Variants in CYYR1 observed in about 807,000 individuals in gnomAD.
The protein encoded by CYYR1 is cysteine and tyrosine rich 1.
A neutral mutation model predicts 15.2 loss-of-function variants in CYYR1; 14 were observed. The observed-to-expected ratio is 0.92, with a 90% CI of 0.61 to 1.44. The LOEUF is 1.44. CYYR1 is among the 40% of genes most tolerant of loss of function. The probability of loss-of-function intolerance (pLI) is 0.00; values close to 1 mark genes in which losing one functional copy is unlikely to be tolerated. For synonymous variants in CYYR1, 80 were observed against 77.4 expected (o/e 1.03, Z -0.18); for missense variants, 228 against 209.5 (o/e 1.09, Z -0.54).
At chr21:26,481,294 T>C (rs1014490021) in intron 2 of CYYR1, among the ~76,000 whole-genome samples, 1 of 152,192 alleles carries the variant, frequency 6.6e-6, no homozygotes, top group Non-Finnish European at 1.5e-5. Flanking sequence ...AACAAGGATG[T>C]TCATCACAGT....
chr21:26,563,405 C>T (rs751189372), intron 2 of CYYR1, among the ~76,000 whole-genome samples: 1 of 152,026 alleles, frequency 6.6e-6, no homozygotes, highest in Admixed American at 6.6e-5. Context: ...AAACCACTCT[C>T]TACTAAAAAT....
intron 3 of CYYR1, chr21:26,470,984 C>A (rs1025897329): frequency 5.4e-4 from 82 of 152,182 alleles, no homozygotes; most frequent in African/African-American, 2.0e-3. Flanking sequence ...AATACATCAG[C>A]GAGGATGCAT....
chr21:26,542,682 GT>G (rs1269834927), intron 2 of CYYR1, among the ~76,000 whole-genome samples: 1 of 151,722 alleles, frequency 6.6e-6, no homozygotes, highest in East Asian at 1.9e-4. Context: ...TCAGAAAGAA[GT>G]AAAACTCTAT....
intron 3 of CYYR1, among the ~76,000 whole-genome samples, chr21:26,479,167 G>A (rs2065139985): frequency 6.6e-6 from 1 of 151,856 alleles, no homozygotes; most frequent in Non-Finnish European, 1.5e-5. Context: ...CAATATGGAA[G>A]AAAAGACAAG....
At chr21:26,564,886 T>C (rs539532090) in intron 2 of CYYR1, 45 of 977,606 alleles carry the variant, frequency 4.6e-5, no homozygotes, top group Non-Finnish European at 5.8e-5. Flanking sequence ...TATATTTTGT[T>C]ACTTTAAATA....
intron 2 of CYYR1, among the ~76,000 whole-genome samples, chr21:26,487,552 T>A (rs1215842335): frequency 6.6e-6 from 1 of 152,142 alleles, no homozygotes; most frequent in Non-Finnish European, 1.5e-5. Context: ...TACAATGTTT[T>A]ATTATAAATC....
At chr21:26,476,553 C>T (rs1272595350) in intron 3 of CYYR1, among the ~76,000 whole-genome samples, 1 of 151,424 alleles carries the variant, frequency 6.6e-6, no homozygotes, top group African/African-American at 2.4e-5. Context: ...GAGCCCCATT[C>T]CCCTCTCCAA....
intron 2 of CYYR1, among the ~76,000 whole-genome samples, chr21:26,493,327 G>C (rs2065352867): frequency 6.6e-6 from 1 of 152,202 alleles, no homozygotes. Context: ...GAGTGGATTT[G>C]ATGGGTACCA....
rs914073395 is a variant in CYYR1 at position 26,467,165 on chromosome 21, A to G, written c.*1336T>C. 4 of 152,292 alleles carry G rather than the reference A, an allele frequency of 2.6e-5. No individual in the cohort carries two copies. The highest frequency in any genetic ancestry group is 1.9e-4 in the East Asian group (1 of 5,188). The allele number at this position is 152,292 out of a possible 1,614,324, so 9.4% of individuals were successfully genotyped here. A position where few individuals can be genotyped will look rare whatever the true frequency, so the allele number is the denominator to read the frequency against. Reference sequence around the variant, plus strand: ...TTAGATTTAATTGTAAAATGACACAAAAATCTAATCATCTATTTCCAATGT... The same window carrying G: ...TTAGATTTAATTGTAAAATGACACAGAAATCTAATCATCTATTTCCAATGT... On this transcript the variant is annotated 3_prime_UTR_variant, in exon 4 of 4. Coordinates refer to ENST00000652641, the MANE Select transcript of CYYR1 (RefSeq NM_001320768.2).
chr21:26,518,035 C>T (rs901769546), intron 2 of CYYR1, among the ~76,000 whole-genome samples: 3 of 152,184 alleles, frequency 2.0e-5, no homozygotes. Context: ...TCAGCACTCA[C>T]ACTGATTGAC....
chr21:26,515,397 C>T (rs1601778863), intron 2 of CYYR1, among the ~76,000 whole-genome samples: 2 of 151,808 alleles, frequency 1.3e-5, no homozygotes, highest in South Asian at 2.1e-4. Flanking sequence ...CTCACTTTGT[C>T]GCCCAAGGCT....
At chr21:26,545,774 G>T (rs1978933444) in intron 2 of CYYR1, among the ~76,000 whole-genome samples, 2 of 151,538 alleles carry the variant, frequency 1.3e-5, no homozygotes, top group African/African-American at 2.4e-5. Flanking sequence ...TAGTAGAGAT[G>T]GGGTTTCACC....
intron 3 of CYYR1, chr21:26,478,207 A>G: frequency 2.6e-6 from 4 of 1,528,712 alleles, no homozygotes; most frequent in Non-Finnish European, 3.5e-6. Context: ...TTGGAAGATT[A>G]AAAGCACTCT....
intron 2 of CYYR1, among the ~76,000 whole-genome samples, chr21:26,559,820 C>T (rs1009063752): frequency 7.9e-5 from 12 of 152,108 alleles, no homozygotes; most frequent in African/African-American, 2.7e-4. Context: ...ATCCATTAAC[C>T]AATATCACAC....
intron 2 of CYYR1, among the ~76,000 whole-genome samples, chr21:26,514,956 G>A (rs2065704152): frequency 6.6e-6 from 1 of 152,202 alleles, no homozygotes; most frequent in African/African-American, 2.4e-5. Context: ...AGTGAATAAT[G>A]AAGATAGAAA....
intron 2 of CYYR1, among the ~76,000 whole-genome samples, chr21:26,513,437 G>A (rs979963544): frequency 1.3e-5 from 2 of 152,146 alleles, no homozygotes; most frequent in African/African-American, 4.8e-5. Context: ...TAGTTGCAGG[G>A]TCCAGGGGAA....
rs137906629 is a variant in CYYR1 at position 26,529,636 on chromosome 21, A to T, written c.176+36630T>A. Among the ~76,000 whole-genome samples, 26 of 152,330 alleles carry T rather than the reference A, an allele frequency of 1.7e-4. 1 individual carries two copies. The East Asian group carries it at 4.2e-3, about 25-fold the overall frequency. ...TGAACCAGTAGCATAGTGCATATAA[A>T]TGCAGATCCTGAAAACATAGGGGAG... On this transcript the variant is annotated intron_variant, in intron 2 of 3. Transcript: ENST00000652641.
intron 2 of CYYR1, among the ~76,000 whole-genome samples, chr21:26,561,758 G>T (rs1243587312): frequency 6.6e-6 from 1 of 152,164 alleles, no homozygotes; most frequent in Non-Finnish European, 1.5e-5. Context: ...GCGATATATT[G>T]TCATCTAGCT....
chr21:26,467,287 T>C lies in CYYR1; in HGVS notation c.*1214A>G, dbSNP rs1276843352. 2 of 152,180 alleles carry C rather than the reference T, an allele frequency of 1.3e-5. No individual in the cohort carries two copies. The highest frequency in any genetic ancestry group is 2.9e-5 in the Non-Finnish European group (2 of 68,012). The allele number at this position is 152,180 out of a possible 1,614,324, so 9.4% of individuals were successfully genotyped here. ...AAATATGGCACATTAGAATTATTTA[T>C]TAAATGCTTTATACATATAAAGGTA... On this transcript the variant is annotated 3_prime_UTR_variant, in exon 4 of 4. Coordinates refer to ENST00000652641, the MANE Select transcript of CYYR1 (RefSeq NM_001320768.2).
Sources: allele counts gnomAD v4.1 joint callset (sites outside exome capture counted in the v4.1 genomes callset), GRCh38; gene constraint gnomAD v4.1.1; transcripts MANE v1.5; gene names NCBI Gene and HGNC (gene_info 2026-07-23, HGNC 2026-07-21).